Variants in LRP1B observed in about 807,000 individuals in gnomAD.
LRP1B encodes the protein low-density lipoprotein receptor-related protein 1B.
A neutral mutation model predicts 556.6 loss-of-function variants in LRP1B; 217 were observed. The observed-to-expected ratio is 0.39, with a 90% CI of 0.35 to 0.44. LRP1B has a LOEUF of 0.44. Among genes scored for constraint, LRP1B ranks in the 20% least tolerant of loss-of-function variants. The pLI is 1.00. For synonymous variants in LRP1B, 2,047 were observed against 1,865.8 expected, an observed-to-expected ratio of 1.10 and a Z score of -2.50; for missense variants, 5,053 against 5,620.8, an observed-to-expected ratio of 0.90 and a Z score of 3.23.
intron 2 of LRP1B, among the ~76,000 whole-genome samples, chr2:141,625,102 C>T (rs1171426028): frequency 6.6e-6 from 1 of 152,122 alleles, no homozygotes; most frequent in Non-Finnish European, 1.5e-5. Flanking sequence ...ATGTCTCCTC[C>T]TCCTAGTAGC....
intron 1 of LRP1B, among the ~76,000 whole-genome samples, chr2:142,108,524 T>C (rs1706841476): frequency 6.6e-6 from 1 of 152,208 alleles, no homozygotes; most frequent in Non-Finnish European, 1.5e-5. Flanking sequence ...ACAAAGAATT[T>C]CCATTTTTAG....
In LRP1B at chr2:140,672,482, T is replaced by TAAAAAAAAAAAAAAAA. The variant is rs55884730; in HGVS notation, c.6799+27752_6799+27767dup. ...CTGGGTGACAGAATGAGACTCCATCTAAAAAAAAAAAAAAAAAAAAAAAAA... is the reference window on the plus strand; with the variant it reads ...CTGGGTGACAGAATGAGACTCCATCTAAAAAAAAAAAAAAAAAAAAAAAAAAAAAAAAAAAAAAAAA... On this transcript the variant is annotated intron_variant, in intron 41 of 90. Transcript: ENST00000389484. 5.5e-4 allele frequency among the ~76,000 whole-genome samples: 45 copies of TAAAAAAAAAAAAAAAA among 81,566 alleles called. 2 individuals are homozygous for TAAAAAAAAAAAAAAAA. The highest frequency in any genetic ancestry group is 2.4e-3 in the African/African-American group (43 of 18,256). 53.5% of individuals were successfully genotyped at this position (81,566 alleles called of 152,430 possible). A position where few individuals can be genotyped will look rare whatever the true frequency, so the allele number is the denominator to read the frequency against.
intron 2 of LRP1B, among the ~76,000 whole-genome samples, chr2:141,753,265 T>TCC (rs1214389687): frequency 5.1e-5 from 6 of 118,280 alleles, no homozygotes; most frequent in Admixed American, 8.3e-5. Flanking sequence ...TCTCTCTCCA[T>TCC]ATATATATAT....
chr2:141,952,043 C>T (rs919013255), intron 1 of LRP1B, among the ~76,000 whole-genome samples: 2 of 142,986 alleles, frequency 1.4e-5, no homozygotes, highest in African/African-American at 5.2e-5. Context: ...ATGTTCCCCA[C>T]CCTGTGTCCA....
At chr2:141,849,440 A>G (rs545256174) in intron 1 of LRP1B, among the ~76,000 whole-genome samples, 181 of 151,820 alleles carry the variant, frequency 1.2e-3, no homozygotes, top group Non-Finnish European at 2.0e-3. Context: ...CACGCCAAAG[A>G]AATACATTAT....
intron 3 of LRP1B, among the ~76,000 whole-genome samples, chr2:141,433,342 T>G (rs964151880): frequency 6.6e-6 from 1 of 152,092 alleles, no homozygotes. Context: ...GTGGTCCGTG[T>G]GTGCTTAAGA....
At chr2:141,134,738 T>C (rs1334078602) in intron 7 of LRP1B, among the ~76,000 whole-genome samples, 1 of 141,974 alleles carries the variant, frequency 7.0e-6, no homozygotes, top group Non-Finnish European at 1.6e-5. Context: ...AAAAAAAAAA[T>C]GAAACAAGGG....
At chr2:141,293,265 C>A (rs1686045392) in intron 3 of LRP1B, among the ~76,000 whole-genome samples, 1 of 152,150 alleles carries the variant, frequency 6.6e-6, no homozygotes. Context: ...TGATATGACT[C>A]AAATATCATA....
At chr2:141,501,200 A>C (rs1426379139) in intron 2 of LRP1B, among the ~76,000 whole-genome samples, 1 of 152,104 alleles carries the variant, frequency 6.6e-6, no homozygotes, top group African/African-American at 2.4e-5. Flanking sequence ...ACTTTGATGA[A>C]TTATGTAAAT....
At chr2:141,555,422 C>A (rs1441035603) in intron 2 of LRP1B, among the ~76,000 whole-genome samples, 1 of 151,934 alleles carries the variant, frequency 6.6e-6, no homozygotes, top group Non-Finnish European at 1.5e-5. Flanking sequence ...GTACCAAGCA[C>A]TGTTTCTGAG....
chr2:141,426,520 T>C (rs62167988), intron 3 of LRP1B, among the ~76,000 whole-genome samples: 3,182 of 152,212 alleles, frequency 0.021, 69 homozygotes, highest in East Asian at 0.092. Flanking sequence ...TTAAAAAATA[T>C]AATACCAAAG....
chr2:141,149,325 C>G (rs571467740), intron 7 of LRP1B, among the ~76,000 whole-genome samples: 2 of 152,060 alleles, frequency 1.3e-5, no homozygotes, highest in East Asian at 1.9e-4. Flanking sequence ...CCTATGAGAT[C>G]TAAATTTCTC....
intron 32 of LRP1B, among the ~76,000 whole-genome samples, chr2:140,779,755 A>AGTGTGTGTGTGTGT (rs70988440): frequency 1.5e-5 from 2 of 135,308 alleles, no homozygotes; most frequent in South Asian, 2.3e-4. Flanking sequence ...TCTGTGAGAG[A>AGTGTGTGTGTGTGT]GTGTGTGTGT....
intron 47 of LRP1B, among the ~76,000 whole-genome samples, chr2:140,527,673 A>C (rs1192568093): frequency 9.5e-5 from 2 of 20,972 alleles, no homozygotes; most frequent in Non-Finnish European, 1.0e-4. Context: ...TTGTTCCAAA[A>C]CGGAAAAAAG....
intron 1 of LRP1B, among the ~76,000 whole-genome samples, chr2:142,013,508 C>G (rs535808279): frequency 6.6e-6 from 1 of 151,468 alleles, no homozygotes; most frequent in African/African-American, 2.4e-5. Context: ...ATTAAGTATG[C>G]ACAGAATAAA....
chr2:141,570,443 A>G (rs999012820), intron 2 of LRP1B, among the ~76,000 whole-genome samples: 1 of 151,204 alleles, frequency 6.6e-6, no homozygotes, highest in Non-Finnish European at 1.5e-5. Flanking sequence ...GCGAATCTAC[A>G]CCACCAGGGC....
At chr2:140,968,753 G>A (rs1305788159) in intron 18 of LRP1B, among the ~76,000 whole-genome samples, 1 of 152,138 alleles carries the variant, frequency 6.6e-6, no homozygotes, top group Non-Finnish European at 1.5e-5. Flanking sequence ...TGGTTTCAAA[G>A]AACATCTTTA....
At chr2:140,410,021 C>A (rs1684904831) in intron 66 of LRP1B, among the ~76,000 whole-genome samples, 1 of 151,946 alleles carries the variant, frequency 6.6e-6, no homozygotes, top group African/African-American at 2.4e-5. Context: ...CCTAAAACTG[C>A]AACATATCTG....
intron 41 of LRP1B, among the ~76,000 whole-genome samples, chr2:140,643,425 AAATAG>A (rs1684373329): frequency 6.6e-6 from 1 of 152,246 alleles, no homozygotes. Flanking sequence ...TTGTTTTGAA[AAATAG>A]AATAAACAAG....
Sources: allele counts gnomAD v4.1 joint callset (sites outside exome capture counted in the v4.1 genomes callset), GRCh38; gene constraint gnomAD v4.1.1; transcripts MANE v1.5; gene names NCBI Gene and HGNC (gene_info 2026-07-23, HGNC 2026-07-21).